LSAMP: variants seen among roughly 807,000 people sequenced by gnomAD.
The protein encoded by LSAMP is limbic system associated membrane protein, also known as limbic system-associated membrane protein.
A neutral mutation model predicts 38.6 loss-of-function variants in LSAMP; 7 were observed. The observed-to-expected ratio is 0.18, with a 90% CI of 0.10 to 0.34. The LOEUF (loss-of-function observed/expected upper bound fraction) is 0.34, where lower values mean the gene tolerates loss of function less well. LSAMP is among the 10% of genes least tolerant of loss of function. LSAMP has a pLI of 1.00. For missense variants in LSAMP, 313 were observed against 420.0 expected (o/e 0.75, Z 2.23); for synonymous variants, 154 against 166.8 (o/e 0.92, Z 0.59).
At chr3:116,206,697 C>G (rs1353517572) in intron 1 of LSAMP, among the ~76,000 whole-genome samples, 1 of 151,818 alleles carries the variant, frequency 6.6e-6, no homozygotes, top group East Asian at 1.9e-4. Context: ...GTTCAGTTTC[C>G]ATGTAGCTGA....
At chr3:116,311,429 CA>C (rs2047555886) in intron 1 of LSAMP, among the ~76,000 whole-genome samples, 1 of 152,070 alleles carries the variant, frequency 6.6e-6, no homozygotes, top group South Asian at 2.1e-4. Flanking sequence ...TAAATTCTCC[CA>C]AGCGATTCTG....
chr3:115,939,530 C>CTCTTTCTCTTTCTTTCTT (rs1553751053), intron 3 of LSAMP, among the ~76,000 whole-genome samples: 6 of 99,720 alleles, frequency 6.0e-5, no homozygotes, highest in African/African-American at 2.2e-4. Flanking sequence ...TGTTCTCTTT[C>CTCTTTCTCTTTCTTTCTT]TCTTTCTTTC....
At chr3:116,058,937 C>CG (rs1553700044) in intron 2 of LSAMP, among the ~76,000 whole-genome samples, 1 of 113,302 alleles carries the variant, frequency 8.8e-6, no homozygotes, top group African/African-American at 4.4e-5. Flanking sequence ...TTTGTTTGTT[C>CG]GTTTTTTTTT....
At chr3:115,884,260 G>A (rs1936395176) in intron 3 of LSAMP, among the ~76,000 whole-genome samples, 2 of 151,998 alleles carry the variant, frequency 1.3e-5, no homozygotes, top group Admixed American at 1.3e-4. Context: ...GAATTAAGCA[G>A]TTTTTGAAAG....
chr3:116,442,910 G>C (rs542656454), intron 1 of LSAMP, among the ~76,000 whole-genome samples: 1 of 152,162 alleles, frequency 6.6e-6, no homozygotes, highest in East Asian at 1.9e-4. Context: ...CAGTGAGACT[G>C]CCTCTGTATG....
intron 1 of LSAMP, among the ~76,000 whole-genome samples, chr3:116,388,491 A>G (rs1282946864): frequency 1.3e-5 from 2 of 152,180 alleles, no homozygotes; most frequent in African/African-American, 4.8e-5. Context: ...TCTTTCTTTA[A>G]ATGAACATAA....
intron 2 of LSAMP, among the ~76,000 whole-genome samples, chr3:116,041,082 C>G (rs542882789): frequency 6.6e-6 from 1 of 152,144 alleles, no homozygotes; most frequent in East Asian, 1.9e-4. Flanking sequence ...AGCCGCCACA[C>G]CTGGATAAGT....
intron 2 of LSAMP, among the ~76,000 whole-genome samples, chr3:116,037,679 C>A (rs1485882013): frequency 6.6e-6 from 1 of 151,944 alleles, no homozygotes; most frequent in Non-Finnish European, 1.5e-5. Flanking sequence ...AAAATTGAGC[C>A]AGAATTGTAT....
chr3:116,128,176 T>C (rs1709049300), intron 1 of LSAMP, among the ~76,000 whole-genome samples: 1 of 152,174 alleles, frequency 6.6e-6, no homozygotes, highest in Non-Finnish European at 1.5e-5. Flanking sequence ...GTGGTAAAGG[T>C]ATAATTGTTG....
chr3:116,396,370 T>A (rs549848772), intron 1 of LSAMP, among the ~76,000 whole-genome samples: 49 of 152,290 alleles, frequency 3.2e-4, no homozygotes, highest in African/African-American at 1.2e-3. Flanking sequence ...CTCTTTTTTG[T>A]AACTACTAAA....
rs114796125 is a variant in LSAMP at position 115,814,643 on chromosome 3, A to G, written c.920-4229T>C. 6.3e-3 allele frequency among the ~76,000 whole-genome samples: 964 copies of G among 152,304 alleles called. 12 individuals carry two copies. Among genetic ancestry groups the G allele is most frequent in the African/African-American group, 0.022 (903 of 41,584 alleles). ...CAAAGGGGTTGTCAATTATGCTTTCAGTGATCCTTGGATATTCCTTTCAGC... is the reference window on the plus strand; with the variant it reads ...CAAAGGGGTTGTCAATTATGCTTTCGGTGATCCTTGGATATTCCTTTCAGC... On this transcript the variant is annotated intron_variant, in intron 6 of 6. Coordinates refer to ENST00000490035, the MANE Select transcript of LSAMP (RefSeq NM_002338.5).
chr3:116,228,096 A>G (rs1429238839), intron 1 of LSAMP, among the ~76,000 whole-genome samples: 3 of 152,100 alleles, frequency 2.0e-5, no homozygotes, highest in Non-Finnish European at 4.4e-5. Flanking sequence ...GAAGGACATC[A>G]TTCCTGTTGA....
At chr3:116,401,205 A>T (rs2048836981) in intron 1 of LSAMP, among the ~76,000 whole-genome samples, 1 of 152,216 alleles carries the variant, frequency 6.6e-6, no homozygotes, top group South Asian at 2.1e-4. Flanking sequence ...AGAGAGATTT[A>T]TTAAAGAGAA....
rs796405320 is a variant in LSAMP at position 116,115,682 on chromosome 3, CA to C, written c.156-29127del. 2.0e-5 allele frequency among the ~76,000 whole-genome samples: 3 copies of C among 150,230 alleles called. No individual in the cohort carries two copies. In the East Asian group the frequency reaches 5.8e-4, roughly 29 times the overall value. ...TGAAGGCAAAAAACAAAAAACAAAA[CA>C]AAAAAAACTTTGTTGAGTCGAGAAC... is the stretch of plus-strand genomic sequence containing the variant. On this transcript the variant is annotated intron_variant, in intron 1 of 6. Transcript: ENST00000490035.
chr3:116,250,293 T>C (rs1304470007), intron 1 of LSAMP, among the ~76,000 whole-genome samples: 1 of 152,186 alleles, frequency 6.6e-6, no homozygotes, highest in African/African-American at 2.4e-5. Context: ...GCCTGAAATA[T>C]AATGTCAAAT....
At chr3:115,887,583 C>T (rs1936488039) in intron 3 of LSAMP, among the ~76,000 whole-genome samples, 1 of 151,800 alleles carries the variant, frequency 6.6e-6, no homozygotes, top group Non-Finnish European at 1.5e-5. Context: ...TACATTTAAC[C>T]TGTTTCTCTG....
At chr3:116,391,113 C>A (rs1185596574) in intron 1 of LSAMP, among the ~76,000 whole-genome samples, 6 of 152,198 alleles carry the variant, frequency 3.9e-5, no homozygotes, top group East Asian at 1.9e-4. Flanking sequence ...GGGGTTCTTC[C>A]CATTGGTTAT....
At chr3:116,100,614 A>G (rs1362840336) in intron 1 of LSAMP, among the ~76,000 whole-genome samples, 1 of 152,078 alleles carries the variant, frequency 6.6e-6, no homozygotes. Context: ...TTGGTCTGCG[A>G]TATTGTATCC....
At chr3:115,854,069 A>G (rs1935415908) in intron 3 of LSAMP, among the ~76,000 whole-genome samples, 2 of 152,002 alleles carry the variant, frequency 1.3e-5, no homozygotes, top group African/African-American at 2.4e-5. Context: ...TGGATATTCC[A>G]AGCTTCAAGT....
Sources: gnomAD v4.1 joint callset for allele counts (sites outside exome capture counted in the v4.1 genomes callset) on GRCh38, gnomAD v4.1.1 for gene constraint, MANE v1.5 for transcripts, NCBI Gene and HGNC (gene_info 2026-07-23, HGNC 2026-07-21) for gene names.